TMEM132E: variants seen among roughly 807,000 people sequenced by gnomAD.
The protein encoded by TMEM132E is transmembrane protein 132E.
Under a neutral mutation model 78.5 loss-of-function variants are expected in TMEM132E, and 49 were observed. The ratio of observed to expected loss-of-function variants is 0.62; its 90% confidence interval spans 0.50 to 0.79. TMEM132E has a LOEUF of 0.79. Among genes scored for constraint, TMEM132E ranks in the 30% least tolerant of loss-of-function variants. The pLI is 0.00. For synonymous variants in TMEM132E, 715 were observed against 670.6 expected, an observed-to-expected ratio of 1.07 and a Z score of -1.02; for missense variants, 1,403 against 1,470.9, an observed-to-expected ratio of 0.95 and a Z score of 0.75.
rs1308967859 is a variant in TMEM132E at position 34,637,197 on chromosome 17, G to GCT, written c.2194_2195dup (p.Tyr733ProfsTer21). On this transcript the variant is annotated frameshift_variant, in exon 9 of 9. Coordinates refer to ENST00000631683, the MANE Select transcript of TMEM132E (RefSeq NM_001304438.2). LOFTEE classifies it high-confidence loss of function. ...TCCAGGAAGCCCTACTGAGCCTCTG[G>GCT]CTCTCCTACAGTGATGGCACCACAG... 6.2e-7 allele frequency: 1 copy of GCT among 1,603,144 alleles called. No individual in the cohort carries two copies. Among genetic ancestry groups the GCT allele is most frequent in the Non-Finnish European group, 8.5e-7 (1 of 1,171,644 alleles).
Position 34,634,819 on chromosome 17 carries a change from A to C in TMEM132E, c.1709A>C (p.Asp570Ala), listed in dbSNP as rs767013178. 12 of 1,613,676 alleles carry C rather than the reference A, an allele frequency of 7.4e-6. No individual in the cohort carries two copies. In the South Asian group the frequency reaches 1.2e-4, roughly 16 times the overall value. The part of the protein sequence containing the change: ...PDRRSVRESE[D>A]EDEEEEERRQ... ...CCCAGGTCAGTCCGGGAAAGCGAGG[A>C]TGAGGATGAGGAGGAGGAGGAGCGG... is the stretch of plus-strand genomic sequence containing the variant. Residue 570 changes from aspartate to alanine, a missense_variant, in exon 7 of 9, where the codon GAT becomes GCT. Around this residue, in one of 3 missense-constraint regions of TMEM132E, gnomAD observed 888 missense variants for 952.8 expected, o/e 0.93. Transcript: ENST00000631683.
At chr17:34,582,644 C>A (rs1025352648) in intron 1 of TMEM132E, among the ~76,000 whole-genome samples, 1 of 151,982 alleles carries the variant, frequency 6.6e-6, no homozygotes, top group Non-Finnish European at 1.5e-5. Flanking sequence ...TAGCGGGGAA[C>A]CAGAAATCTC....
At chr17:34,583,345 C>T (rs527808462) in intron 1 of TMEM132E, among the ~76,000 whole-genome samples, 3 of 152,262 alleles carry the variant, frequency 2.0e-5, no homozygotes, top group Non-Finnish European at 2.9e-5. Context: ...TCTTCTCCAT[C>T]GCATGTCTCA....
Position 34,623,392 on chromosome 17 carries a change from A to G in TMEM132E, c.68-2735A>G, listed in dbSNP as rs115765577. 1.6e-3 allele frequency among the ~76,000 whole-genome samples: 144 copies of G among 91,174 alleles called. 2 individuals are homozygous for G. Among genetic ancestry groups the G allele is most frequent in the African/African-American group, 5.5e-3 (137 of 24,846 alleles). The allele number at this position is 91,174 out of a possible 152,430, so 59.8% of individuals were successfully genotyped here. A position where few individuals can be genotyped will look rare whatever the true frequency, so the allele number is the denominator to read the frequency against. ...GGGGATGGATAACTAAGGCAGGGCT[A>G]GTACCCGCTCCCCCCCCCCCCCCCG... On this transcript the variant is annotated intron_variant, in intron 1 of 8. Coordinates refer to ENST00000631683, the MANE Select transcript of TMEM132E (RefSeq NM_001304438.2).
chr17:34,623,607 C>T, intron 1 of TMEM132E, among the ~76,000 whole-genome samples: 1 of 152,234 alleles, frequency 6.6e-6, no homozygotes, highest in East Asian at 1.9e-4. Flanking sequence ...TGTTCTTGGT[C>T]TTTCAGCTAC....
At chr17:34,590,543 A>T (rs1456117474) in intron 1 of TMEM132E, among the ~76,000 whole-genome samples, 3 of 152,184 alleles carry the variant, frequency 2.0e-5, no homozygotes, top group Non-Finnish European at 4.4e-5. Context: ...AAGTTCAAGA[A>T]TTCTGCTTCT....
rs529083011 is a variant in TMEM132E, at chr17:34,622,114, C to T, written c.68-4013C>T. On this transcript the variant is annotated intron_variant, in intron 1 of 8. Transcript: ENST00000631683. ...AGGCCAGAGTGCATGTTAGCACACA[C>T]GCGTGTGTGCACTCAAGCACATATT... Among the ~76,000 whole-genome samples, 6 of 152,330 alleles carry T rather than the reference C, an allele frequency of 3.9e-5. No individual in the cohort carries two copies. In the South Asian group the frequency reaches 8.3e-4, roughly 21 times the overall value.
Position 34,632,725 on chromosome 17 carries a change from G to A in TMEM132E, c.1504G>A (p.Val502Met), listed in dbSNP as rs199796805. ...IIKVSSSCDYVFVSGKESRGS... is the reference protein window; with the variant it reads ...IIKVSSSCDYMFVSGKESRGS... ...CCAGGTATCCAGCAGCTGTGACTAC[G>A]TGTTTGTGAGTGGAAAAGAGTCTCG... Residue 502 changes from valine (V) to methionine (M), a missense_variant, in exon 6 of 9, where the codon GTG (valine) becomes ATG (methionine). Val to Met is a conservative substitution (Grantham distance 21). Coordinates refer to ENST00000631683, the MANE Select transcript of TMEM132E (RefSeq NM_001304438.2). 11 of 1,614,024 alleles carry A rather than the reference G, an allele frequency of 6.8e-6. No individual in the cohort carries two copies. The highest frequency in any genetic ancestry group is 4.5e-5 in the East Asian group (2 of 44,886).
chr17:34,637,331 A>C lies in TMEM132E; in HGVS notation c.2324A>C (p.Glu775Ala). ...CGGGCCTTCCCTCTGGTAGTGGCTG[A>C]GGCCGAGGGGTCAGGGGAGCTGCTT... is the stretch of plus-strand genomic sequence containing the variant. ...QDRAFPLVVA[E>A]AEGSGELLRA... Residue 775 changes from glutamate (E) to alanine (A), a missense_variant, in exon 9 of 9, where the codon GAG (glutamate) becomes GCG (alanine). By Grantham distance (107) the Glu-to-Ala change is moderately radical. Transcript: ENST00000631683. 6.2e-7 allele frequency: 1 copy of C among 1,614,090 alleles called. No individual in the cohort carries two copies.
intron 1 of TMEM132E, among the ~76,000 whole-genome samples, chr17:34,600,711 C>T (rs1004333): frequency 0.56 from 84,817 of 151,946 alleles, 24,952 homozygotes; most frequent in Admixed American, 0.71. Context: ...AGTGCGGCCC[C>T]GGCAGAACTG....
chr17:34,638,144 G>T lies in TMEM132E; in HGVS notation c.3137G>T (p.Trp1046Leu). ...EDEEEEEDLG[W>L]GCPDVAGPTR... ...GAGGAGGAGGAAGAGGACCTGGGTTGGGGCTGCCCGGATGTGGCGGGCCCC... is the reference window on the plus strand; with the variant it reads ...GAGGAGGAGGAAGAGGACCTGGGTTTGGGCTGCCCGGATGTGGCGGGCCCC... The change falls in exon 9 of 9, where the codon TGG becomes TTG. Residue 1046 changes from tryptophan (W) to leucine (L), a missense_variant. Trp to Leu is a moderately conservative substitution (Grantham distance 61). Around this residue, in one of 3 missense-constraint regions of TMEM132E, gnomAD observed 888 missense variants for 952.8 expected, o/e 0.93. Coordinates refer to ENST00000631683, the MANE Select transcript of TMEM132E (RefSeq NM_001304438.2). The T allele has an allele frequency of 5.0e-6, 8 of 1,609,898 alleles. No homozygotes were observed. Among genetic ancestry groups the T allele is most frequent in the Non-Finnish European group, 6.8e-6 (8 of 1,178,838 alleles).
At chr17:34,629,920 G>GC (rs1907295573) in intron 4 of TMEM132E, 88 bp from the exon 5 acceptor site, 3 of 1,420,654 alleles carry the variant, frequency 2.1e-6, no homozygotes, top group Non-Finnish European at 1.9e-6. Context: ...GGAGTGGGGG[G>GC]GGAGCGTCCA....
chr17:34,611,895 G>T (rs999707203), intron 1 of TMEM132E, among the ~76,000 whole-genome samples: 7 of 152,114 alleles, frequency 4.6e-5, no homozygotes, highest in African/African-American at 9.7e-5. Context: ...TCTGGGCCTT[G>T]TCACCACCCT....
chr17:34,630,067 G>T lies in TMEM132E; in HGVS notation c.1398G>T (p.Lys466Asn), dbSNP rs1907303199. The change falls in exon 5 of 9, where the codon AAG (lysine) becomes AAT (asparagine). Residue 466 changes from lysine (K) to asparagine (N), a missense_variant. Lys to Asn is a moderately conservative substitution (Grantham distance 94). Around this residue, in one of 3 missense-constraint regions of TMEM132E, gnomAD observed 888 missense variants for 952.8 expected, o/e 0.93. Coordinates refer to ENST00000631683, the MANE Select transcript of TMEM132E (RefSeq NM_001304438.2). ...GCCGGACAGTGGCCATCCCTGTCAA[G>T]GTCATTGCCATCGAGGTGAATGGCC... Reference protein sequence around the residue: ...LTGRTVAIPVKVIAIEVNGLV... With the variant: ...LTGRTVAIPVNVIAIEVNGLV... 1 of 1,613,594 alleles carries T rather than the reference G, an allele frequency of 6.2e-7. No homozygotes were observed. The highest frequency in any genetic ancestry group is 8.5e-7 in the Non-Finnish European group (1 of 1,179,678).
intron 1 of TMEM132E, among the ~76,000 whole-genome samples, chr17:34,585,232 C>T (rs1259026259): frequency 1.3e-5 from 2 of 152,216 alleles, no homozygotes; most frequent in African/African-American, 4.8e-5. Flanking sequence ...CTGAGGACGG[C>T]TGGTGCTTCG....
At chr17:34,622,899 G>C (rs1051923579) in intron 1 of TMEM132E, among the ~76,000 whole-genome samples, 2 of 152,164 alleles carry the variant, frequency 1.3e-5, no homozygotes, top group Non-Finnish European at 2.9e-5. Flanking sequence ...CAGGAAAAGG[G>C]ATAGAGAGAG....
At chr17:34,613,667 T>C (rs559847581) in intron 1 of TMEM132E, among the ~76,000 whole-genome samples, 1 of 152,174 alleles carries the variant, frequency 6.6e-6, no homozygotes, top group South Asian at 2.1e-4. Context: ...TCTCCCCTGT[T>C]CTCAGCCCTT....
At chr17:34,588,769 TCTCA>T (rs1317884759) in intron 1 of TMEM132E, among the ~76,000 whole-genome samples, 3 of 152,100 alleles carry the variant, frequency 2.0e-5, no homozygotes, top group Admixed American at 2.0e-4. Context: ...TGAGACGGAG[TCTCA>T]CTCTGTCACC....
chr17:34,594,328 G>A (rs1905982679), intron 1 of TMEM132E, among the ~76,000 whole-genome samples: 1 of 152,206 alleles, frequency 6.6e-6, no homozygotes, highest in Admixed American at 6.5e-5. Context: ...CAGACTGGGT[G>A]GCATGATTGG....
Sources: gnomAD v4.1 joint callset for allele counts (sites outside exome capture counted in the v4.1 genomes callset) on GRCh38, gnomAD v4.1.1 for gene constraint, gnomAD v4.1.1 regional missense constraint, MANE v1.5 for transcripts, NCBI Gene and HGNC (gene_info 2026-07-23, HGNC 2026-07-21) for gene names.